Variants in SNTG1 observed in about 807,000 individuals in gnomAD.
SNTG1 encodes the protein syntrophin gamma 1.
A neutral mutation model predicts 74.7 loss-of-function variants in SNTG1; 39 were observed. That is an observed-to-expected ratio of 0.52 (90% CI 0.40 to 0.68). SNTG1 has a LOEUF of 0.68. SNTG1 is among the 30% of genes least tolerant of loss of function. The probability of loss-of-function intolerance (pLI) is 0.00; values close to 1 mark genes in which losing one functional copy is unlikely to be tolerated. For synonymous variants in SNTG1, 254 were observed against 217.1 expected (o/e 1.17, Z -1.49); for missense variants, 685 against 609.5 (o/e 1.12, Z -1.30).
chr8:50,372,851 G>A (rs549048406), intron 2 of SNTG1, among the ~76,000 whole-genome samples: 1 of 152,236 alleles, frequency 6.6e-6, no homozygotes, highest in South Asian at 2.1e-4. Context: ...TTAGGAAGTA[G>A]ACTGGATTTC....
chr8:50,719,140 C>T (rs1453300066), intron 17 of SNTG1, among the ~76,000 whole-genome samples: 1 of 152,052 alleles, frequency 6.6e-6, no homozygotes, highest in Non-Finnish European at 1.5e-5. Context: ...GCAACAATAA[C>T]AAGTTAAACA....
At chr8:50,149,194 G>A (rs546853599) in intron 1 of SNTG1, among the ~76,000 whole-genome samples, 1 of 152,276 alleles carries the variant, frequency 6.6e-6, no homozygotes, top group African/African-American at 2.4e-5. Flanking sequence ...GTCTTCTTTT[G>A]AGAAGTGTCT....
chr8:50,457,727 C>T (rs535959008), intron 8 of SNTG1, among the ~76,000 whole-genome samples: 33 of 152,284 alleles, frequency 2.2e-4, no homozygotes, highest in African/African-American at 7.9e-4. Flanking sequence ...AACATCCCCA[C>T]TGCAGGCCTC....
intron 18 of SNTG1, among the ~76,000 whole-genome samples, chr8:50,767,356 A>G (rs1024201580): frequency 6.6e-6 from 1 of 151,982 alleles, no homozygotes; most frequent in Non-Finnish European, 1.5e-5. Context: ...GTGGGTTTAC[A>G]TAGGAATTGG....
intron 1 of SNTG1, among the ~76,000 whole-genome samples, chr8:50,099,523 T>C (rs2080046928): frequency 6.6e-6 from 1 of 152,144 alleles, no homozygotes; most frequent in Admixed American, 6.5e-5. Flanking sequence ...GTAGGATTCC[T>C]GTGCCAAATG....
intron 4 of SNTG1, among the ~76,000 whole-genome samples, chr8:50,431,417 A>G (rs1487222295): frequency 6.6e-6 from 1 of 152,196 alleles, no homozygotes; most frequent in Admixed American, 6.5e-5. Flanking sequence ...GTATAGATGT[A>G]CCACAGTTTG....
chr8:50,138,264 A>C (rs1488339585), intron 1 of SNTG1, among the ~76,000 whole-genome samples: 2 of 152,086 alleles, frequency 1.3e-5, no homozygotes, highest in Non-Finnish European at 2.9e-5. Context: ...CTGTTCAGAA[A>C]AAAAAACAGC....
At chr8:50,153,820 G>C (rs2082157907) in intron 1 of SNTG1, among the ~76,000 whole-genome samples, 1 of 152,184 alleles carries the variant, frequency 6.6e-6, no homozygotes, top group South Asian at 2.1e-4. Flanking sequence ...CCCTACTGGG[G>C]GGTGCCTCCC....
chr8:50,693,546 G>A (rs2095391688), intron 15 of SNTG1, among the ~76,000 whole-genome samples: 1 of 152,096 alleles, frequency 6.6e-6, no homozygotes, highest in African/African-American at 2.4e-5. Flanking sequence ...CTTCAATATT[G>A]GACAGATCAC....
rs560615577 is a variant in SNTG1 at position 50,607,283 on chromosome 8, T to A, written c.849+16366T>A. Among the ~76,000 whole-genome samples, 9 of 151,884 alleles carry A rather than the reference T, an allele frequency of 5.9e-5. No homozygotes were observed. In the East Asian group the frequency reaches 1.7e-3, roughly 29 times the overall value. On this transcript the variant is annotated intron_variant, in intron 13 of 18. Coordinates refer to ENST00000642720, the MANE Select transcript of SNTG1 (RefSeq NM_018967.5). ...ATTTTCTGGAGAAGTTTGTGTAGGA[T>A]GGGTTTTATTTATTCATTATCTGGC...
intron 18 of SNTG1, among the ~76,000 whole-genome samples, chr8:50,779,442 G>A (rs573918616): frequency 1.3e-5 from 2 of 152,004 alleles, no homozygotes; most frequent in Admixed American, 6.6e-5. Context: ...TGGATTCCTA[G>A]GTATTTTATT....
chr8:50,238,281 T>C (rs1017656675), intron 2 of SNTG1, among the ~76,000 whole-genome samples: 2 of 152,124 alleles, frequency 1.3e-5, no homozygotes, highest in African/African-American at 4.8e-5. Flanking sequence ...ATGGTACTGA[T>C]ACAAAAGTAG....
intron 12 of SNTG1, among the ~76,000 whole-genome samples, chr8:50,560,942 G>T (rs1016096620): frequency 1.3e-5 from 2 of 152,176 alleles, no homozygotes; most frequent in Admixed American, 1.3e-4. Context: ...ATTTCTCTAA[G>T]TGTTTAATAA....
chr8:50,054,181 C>T (rs1276056465), intron 1 of SNTG1, among the ~76,000 whole-genome samples: 1 of 152,064 alleles, frequency 6.6e-6, no homozygotes, highest in Non-Finnish European at 1.5e-5. Context: ...ATTTAATGGA[C>T]TCCAACTGTG....
chr8:50,294,899 T>C (rs1586992858), intron 2 of SNTG1, among the ~76,000 whole-genome samples: 1 of 152,130 alleles, frequency 6.6e-6, no homozygotes, highest in African/African-American at 2.4e-5. Flanking sequence ...ATGGCCACTG[T>C]CCTGCCAATG....
chr8:50,692,945 C>T (rs972881455), intron 15 of SNTG1, among the ~76,000 whole-genome samples: 22 of 152,300 alleles, frequency 1.4e-4, no homozygotes, highest in Middle Eastern at 3.4e-3. Flanking sequence ...CAAACTAACC[C>T]GGCAATGGTG....
intron 18 of SNTG1, among the ~76,000 whole-genome samples, chr8:50,763,856 AACACACACACACACACAC>A (rs59221694): frequency 0.021 from 2,178 of 103,486 alleles, 34 homozygotes; most frequent in Middle Eastern, 0.045. Flanking sequence ...TTAATACAGA[AACACACACACACACACAC>A]ACACACACAC....
At chr8:50,581,216 T>C (rs1473524345) in intron 12 of SNTG1, among the ~76,000 whole-genome samples, 1 of 152,190 alleles carries the variant, frequency 6.6e-6, no homozygotes, top group African/African-American at 2.4e-5. Context: ...AAATGATAAA[T>C]GGGATGACTA....
rs935951290 is a variant in SNTG1, at chr8:50,123,648, A to G, written c.-102-48913A>G. 3.5e-5 allele frequency among the ~76,000 whole-genome samples: 5 copies of G among 142,672 alleles called. 1 individual carries two copies. The highest frequency in any genetic ancestry group is 1.3e-4 in the African/African-American group (5 of 39,442). The allele number at this position is 142,672 out of a possible 152,430, so 93.6% of individuals were successfully genotyped here. A position where few individuals can be genotyped will look rare whatever the true frequency, so the allele number is the denominator to read the frequency against. Reference sequence around the variant, plus strand: ...AACAAAAACCCTCTTTCAGAATAAAATCTGGTCTTCATGTATATGCAAAGC... The same window carrying G: ...AACAAAAACCCTCTTTCAGAATAAAGTCTGGTCTTCATGTATATGCAAAGC... On this transcript the variant is annotated intron_variant, in intron 1 of 18. Coordinates refer to ENST00000642720, the MANE Select transcript of SNTG1 (RefSeq NM_018967.5).
Sources: gnomAD v4.1 joint callset for allele counts (sites outside exome capture counted in the v4.1 genomes callset) on GRCh38, gnomAD v4.1.1 for gene constraint, MANE v1.5 for transcripts, NCBI Gene and HGNC (gene_info 2026-07-23, HGNC 2026-07-21) for gene names.